LPIN3: variants seen among roughly 807,000 people sequenced by gnomAD.
LPIN3 encodes the protein phosphatidate phosphatase LPIN3.
LPIN3 carries 82 observed loss-of-function variants against 94.7 expected under a neutral mutation model. That is an observed-to-expected ratio of 0.87 (90% CI 0.72 to 1.04). The LOEUF (loss-of-function observed/expected upper bound fraction) is 1.04. Ranked by LOEUF, LPIN3 falls within the 50% of genes least tolerant of loss-of-function variation. The pLI, the probability that LPIN3 is intolerant of heterozygous loss-of-function variation, is 0.00. For synonymous variants in LPIN3, 418 were observed against 443.3 expected (o/e 0.94, Z 0.72); for missense variants, 996 against 1,090.5 (o/e 0.91, Z 1.22).
rs745696409 is a variant in LPIN3 at position 41,357,110 on chromosome 20, G to A, written c.1874G>A (p.Cys625Tyr). ...FSVTTQYQGT[C>Y]RCKATIYLWK... ...GTGACCACTCAGTACCAGGGCACCTGCCGCTGCAAGGCCACCATCTACCTG... is the reference window on the plus strand; with the variant it reads ...GTGACCACTCAGTACCAGGGCACCTACCGCTGCAAGGCCACCATCTACCTG... The change falls in exon 15 of 20, where the codon TGC becomes TAC. Residue 625 changes from cysteine to tyrosine, a missense_variant. Cys to Tyr is a radical substitution (Grantham distance 194). Coordinates refer to ENST00000373257, the MANE Select transcript of LPIN3 (RefSeq NM_022896.3). The A allele has an allele frequency of 1.2e-6, 2 of 1,614,170 alleles. No individual in the cohort carries two copies. The highest frequency in any genetic ancestry group is 2.2e-5 in the South Asian group (2 of 91,086).
At chr20:41,352,338 C>G (rs974633462) in intron 9 of LPIN3, 118 bp downstream of exon 9, 52 of 1,217,984 alleles carry the variant, frequency 4.3e-5, no homozygotes, top group Non-Finnish European at 6.0e-5. Context: ...TTCCCTGCAG[C>G]TCTCTGCCCT....
At chr20:41,341,438 G>C (rs909203058) in intron 1 of LPIN3, among the ~76,000 whole-genome samples, 4 of 152,172 alleles carry the variant, frequency 2.6e-5, no homozygotes, top group Non-Finnish European at 5.9e-5. Flanking sequence ...CACTAGGAGT[G>C]CTTACTCTCC....
intron 4 of LPIN3, 102 bp from the exon 5 acceptor site, chr20:41,348,990 C>A: frequency 6.3e-7 from 1 of 1,575,634 alleles, no homozygotes; most frequent in South Asian, 1.1e-5. Flanking sequence ...CCTCTCTGAG[C>A]AGTAGTTGCT....
chr20:41,355,850 G>A, intron 13 of LPIN3, 46 bp from the exon 14 acceptor site: 3 of 1,607,244 alleles, frequency 1.9e-6, no homozygotes, highest in Non-Finnish European at 1.7e-6. Flanking sequence ...GGGAGTGAAG[G>A]CCCTTTGGCT....
In LPIN3 at chr20:41,348,836, G is replaced by A. The variant is rs1325767734; in HGVS notation, c.506G>A (p.Gly169Asp). Residue 169 changes from glycine (G) to aspartate (D), a missense_variant, in exon 4 of 20, where the codon GGC becomes GAC. Physicochemically the swap from Gly to Asp is moderately conservative, Grantham distance 94 (BLOSUM62 -1). Transcript: ENST00000373257. The stretch of plus-strand genomic sequence containing the variant: ...TCTAGTCCAGAGGAACTGGAGGCAG[G>A]CGCTGAGAGTGAGCTATCCCTGCCG... ...TDSSPEELEA[G>D]AESELSLPEK... The A allele has an allele frequency of 6.2e-7, 1 of 1,609,950 alleles. No individual in the cohort carries two copies. Among genetic ancestry groups the A allele is most frequent in the Non-Finnish European group, 8.5e-7 (1 of 1,178,214 alleles).
rs562869785 is a variant in LPIN3, at chr20:41,344,479, G to A, written c.-8-1317G>A. ...TTGCATGGCAGGCTGTCCTCCAGGG[G>A]TTCTGACCCAGGGTCTGAGAGAAGA... On this transcript the variant is annotated intron_variant, in intron 1 of 19. Coordinates refer to ENST00000373257, the MANE Select transcript of LPIN3 (RefSeq NM_022896.3). 2.0e-5 allele frequency among the ~76,000 whole-genome samples: 3 copies of A among 152,358 alleles called. No homozygotes were observed. In the South Asian group the frequency reaches 6.2e-4, roughly 32 times the overall value.
chr20:41,358,909 T>C lies in LPIN3; in HGVS notation c.*43T>C, dbSNP rs2046312335. ...CCTCCTCCCTGGCCCGGCCCAGGAC[T>C]GGCTAGGTGTCCTGGGGTATAGGAG... On this transcript the variant is annotated 3_prime_UTR_variant, in exon 20 of 20. Coordinates refer to ENST00000373257, the MANE Select transcript of LPIN3 (RefSeq NM_022896.3). 1 of 1,607,302 alleles carries C rather than the reference T, an allele frequency of 6.2e-7. No homozygotes were observed. The highest frequency in any genetic ancestry group is 8.5e-7 in the Non-Finnish European group (1 of 1,176,576).
chr20:41,347,610 G>A lies in LPIN3; in HGVS notation c.251G>A (p.Gly84Glu). The change falls in exon 3 of 20, where the codon GGG (glycine) becomes GAG (glutamate). Residue 84 changes from glycine to glutamate, a missense_variant. Gly to Glu is a moderately conservative substitution (Grantham distance 98). Transcript: ENST00000373257. ...TTGCACATGAAGCTTGGGGACAGCG[G>A]GGAGGCCTTCTTTGTTCAGGAGCTG... ...VDLHMKLGDS[G>E]EAFFVQELES... 1 of 1,614,148 alleles carries A rather than the reference G, an allele frequency of 6.2e-7. No individual in the cohort carries two copies. Among genetic ancestry groups the A allele is most frequent in the African/African-American group, 1.3e-5 (1 of 75,058 alleles).
At chr20:41,357,249 T>C (rs2046241735) in intron 15 of LPIN3, 61 bp downstream of exon 15, 1 of 1,608,318 alleles carries the variant, frequency 6.2e-7, no homozygotes, top group East Asian at 2.2e-5. Flanking sequence ...CCTCCCTCTG[T>C]GCTGGGTGTG....
rs78539031 is a variant in LPIN3, at chr20:41,358,500, G to A, written c.2369G>A (p.Arg790Gln). The part of the protein sequence containing the change: ...PESRIFTVNP[R>Q]GELIQELIKN... ...TCACGCATCTTCACAGTCAACCCCCGGGGAGAGCTCATCCAGGAGCTCATA... is the reference window on the plus strand; with the variant it reads ...TCACGCATCTTCACAGTCAACCCCCAGGGAGAGCTCATCCAGGAGCTCATA... Residue 790 changes from arginine (R) to glutamine (Q), a missense_variant, in exon 19 of 20, where the codon CGG becomes CAG. Coordinates refer to ENST00000373257, the MANE Select transcript of LPIN3 (RefSeq NM_022896.3). 5.0e-4 allele frequency: 807 copies of A among 1,613,998 alleles called. 3 individuals are homozygous for A. In the African/African-American group the frequency reaches 8.8e-3, roughly 18 times the overall value.
chr20:41,350,077 A>T lies in LPIN3; in HGVS notation c.782A>T (p.Glu261Val), dbSNP rs781036502. The change falls in exon 7 of 20, where the codon GAG (glutamate) becomes GTG (valine). Residue 261 changes from glutamate (E) to valine (V), a missense_variant. By Grantham distance (121) the Glu-to-Val change is moderately radical. Coordinates refer to ENST00000373257, the MANE Select transcript of LPIN3 (RefSeq NM_022896.3). ...LPKVARAERP[E>V]SSVVLEGRAG... Reference sequence around the variant, plus strand: ...AAGGTGGCCAGAGCTGAGCGGCCCGAGTCCTCAGTGGTCCTTGAAGGCAGA... The same window carrying T: ...AAGGTGGCCAGAGCTGAGCGGCCCGTGTCCTCAGTGGTCCTTGAAGGCAGA... 1.9e-6 allele frequency: 3 copies of T among 1,604,272 alleles called. No individual in the cohort carries two copies. The highest frequency in any genetic ancestry group is 1.7e-6 in the Non-Finnish European group (2 of 1,174,574).
chr20:41,356,066 G>A (rs748114591), intron 14 of LPIN3, 32 bp downstream of exon 14: 9 of 1,607,532 alleles, frequency 5.6e-6, no homozygotes, highest in Non-Finnish European at 6.8e-6. Flanking sequence ...GGAGGTTGGG[G>A]AGGGGCTGAG....
At chr20:41,349,221 G>A (rs2045908689) in intron 5 of LPIN3, 49 bp downstream of exon 5, 1 of 1,546,784 alleles carries the variant, frequency 6.5e-7, no homozygotes, top group Non-Finnish European at 8.9e-7. Context: ...CAAGGTCTGA[G>A]GTTTCCATTT....
At chr20:41,352,759 G>C (rs2046072487) in intron 10 of LPIN3, 39 bp from the exon 11 acceptor site, 1 of 1,613,138 alleles carries the variant, frequency 6.2e-7, no homozygotes, top group Non-Finnish European at 8.5e-7. Flanking sequence ...TCACAACCCT[G>C]CAGCTGCTGC....
At chr20:41,356,366 G>A (rs1331179894) in intron 14 of LPIN3, among the ~76,000 whole-genome samples, 1 of 152,216 alleles carries the variant, frequency 6.6e-6, no homozygotes, top group African/African-American at 2.4e-5. Context: ...CAGCCCCTCA[G>A]ATTCTGGCAA....
chr20:41,355,143 T>C (rs1300672292), intron 13 of LPIN3, among the ~76,000 whole-genome samples: 8 of 152,046 alleles, frequency 5.3e-5, no homozygotes, highest in Non-Finnish European at 8.8e-5. Flanking sequence ...GCCTCCTGAG[T>C]AGCTGGGATT....
In LPIN3 at chr20:41,357,189, G is replaced by A. The variant is rs757194482; in HGVS notation, c.1952+1G>A. 4 of 1,613,928 alleles carry A rather than the reference G, an allele frequency of 2.5e-6. No homozygotes were observed. The South Asian group carries it at 4.4e-5, about 18-fold the overall frequency. ...CTGACATCGACGGCACCATCACCAA[G>A]TGAGGCCCACCCAGCTGTGGGAAGG... On this transcript the variant is annotated splice_donor_variant, in intron 15 of 19. Transcript: ENST00000373257. LOFTEE classifies it high-confidence loss of function.
In LPIN3 at chr20:41,351,851, C is replaced by T; in HGVS notation, c.1133C>T (p.Pro378Leu). The change falls in exon 8 of 20, where the codon CCC (proline) becomes CTC (leucine). Residue 378 changes from proline (P) to leucine (L), a missense_variant. Transcript: ENST00000373257. ...CCAAAGAGAAGCCAGCACCTGGGCC[C>T]CAGTGACATCTACCTGGATGACTTG... ...GSPKRSQHLG[P>L]SDIYLDDLPS... 1 of 1,614,198 alleles carries T rather than the reference C, an allele frequency of 6.2e-7. No individual in the cohort carries two copies. Among genetic ancestry groups the T allele is most frequent in the Admixed American group, 1.7e-5 (1 of 60,026 alleles).
intron 13 of LPIN3, 93 bp from the exon 14 acceptor site, chr20:41,355,803 T>C: frequency 1.3e-6 from 2 of 1,506,586 alleles, no homozygotes; most frequent in Non-Finnish European, 9.1e-7. Flanking sequence ...GGCCCTGGCA[T>C]GGCGGGGACA....
Sources: gnomAD v4.1 joint callset for allele counts (sites outside exome capture counted in the v4.1 genomes callset) on GRCh38, gnomAD v4.1.1 for gene constraint, MANE v1.5 for transcripts, NCBI Gene and HGNC (gene_info 2026-07-23, HGNC 2026-07-21) for gene names.